GLYR1: variants seen among roughly 807,000 people sequenced by gnomAD.
GLYR1 encodes the protein glyoxylate reductase 1 homolog.
GLYR1 carries 21 observed loss-of-function variants against 72.7 expected under a neutral mutation model. That is an observed-to-expected ratio of 0.29 (90% CI 0.20 to 0.42). The LOEUF (loss-of-function observed/expected upper bound fraction) is 0.42, where lower values mean the gene tolerates loss of function less well. Among genes scored for constraint, GLYR1 ranks in the 10% least tolerant of loss-of-function variants. The probability of loss-of-function intolerance (pLI) is 1.00; values close to 1 mark genes in which losing one functional copy is unlikely to be tolerated. For synonymous variants in GLYR1, 392 were observed against 270.2 expected (o/e 1.45, Z -4.42); for missense variants, 594 against 712.1 (o/e 0.83, Z 1.89).
intron 15 of GLYR1, among the ~76,000 whole-genome samples, chr16:4,806,355 C>A (rs1443701628): frequency 2.0e-5 from 3 of 151,934 alleles, no homozygotes; most frequent in African/African-American, 7.3e-5. Context: ...ACAAGATTAA[C>A]TGTCTTTTTT....
At chr16:4,821,956 G>GACT (rs1160539441) in intron 7 of GLYR1, among the ~76,000 whole-genome samples, 1 of 152,232 alleles carries the variant, frequency 6.6e-6, no homozygotes, top group Non-Finnish European at 1.5e-5. Flanking sequence ...AGGACTTGGA[G>GACT]ACTACCTCTT....
rs1380880036 is a variant in GLYR1, at chr16:4,804,918, T to C, written c.*318A>G. 5.3e-6 allele frequency: 2 copies of C among 377,798 alleles called. No homozygotes were observed. The highest frequency in any genetic ancestry group is 5.3e-5 in the South Asian group (1 of 18,902). 23.4% of individuals were successfully genotyped at this position (377,798 alleles called of 1,614,324 possible). A position where few individuals can be genotyped will look rare whatever the true frequency, so the allele number is the denominator to read the frequency against. The stretch of plus-strand genomic sequence containing the variant: ...GGCAGCAGTTTCTGGGCAGCTTCTA[T>C]CCTGGGGCGAGAGCCTGTGTGTGTG... On this transcript the variant is annotated 3_prime_UTR_variant, in exon 16 of 16. Transcript: ENST00000321919.
At position 4,804,830 on chromosome 16, in the gene GLYR1, C is replaced by T; in HGVS notation, c.*406G>A. 9.3e-6 allele frequency: 2 copies of T among 214,856 alleles called. No individual in the cohort carries two copies. Among genetic ancestry groups the T allele is most frequent in the East Asian group, 1.9e-4 (2 of 10,464 alleles). The allele number at this position is 214,856 out of a possible 1,614,324, so 13.3% of individuals were successfully genotyped here. On this transcript the variant is annotated 3_prime_UTR_variant, in exon 16 of 16. Transcript: ENST00000321919. The stretch of plus-strand genomic sequence containing the variant: ...GTGGGAAGGCTTCCAACTCTCGTTG[C>T]TGATTCTAGTTCCTTGACTGGAAGG...
Position 4,847,244 on chromosome 16 carries a change from G to C in GLYR1, c.22C>G (p.Leu8Val), listed in dbSNP as rs774934820. MAAVSLRLGDLVWGKLGR... is the reference protein window; with the variant it reads MAAVSLRVGDLVWGKLGR... ...CGGACTCACCACACCAAGTCGCCGA[G>C]CCGCAGACTCACAGCCGCCATCTTA... Residue 8 changes from leucine (L) to valine (V), a missense_variant, in exon 1 of 16, where the codon CTC becomes GTC. Leu to Val is a conservative substitution (Grantham distance 32). Around this residue, in one of 5 missense-constraint regions of GLYR1, gnomAD observed 62 missense variants for 82.5 expected, o/e 0.75. Coordinates refer to ENST00000321919, the MANE Select transcript of GLYR1 (RefSeq NM_032569.4). 1 of 1,609,640 alleles carries C rather than the reference G, an allele frequency of 6.2e-7. No homozygotes were observed. The highest frequency in any genetic ancestry group is 8.5e-7 in the Non-Finnish European group (1 of 1,178,874).
chr16:4,811,868 C>A lies in GLYR1; in HGVS notation c.1283-66G>T, dbSNP rs376242476. On this transcript the variant is annotated intron_variant, in intron 13 of 15. Coordinates refer to ENST00000321919, the MANE Select transcript of GLYR1 (RefSeq NM_032569.4). ...CACAGACAGGGCTTCTCTGTCCACCCTCACCTCTGCTCAGACCCACCTCTC... is the reference window on the plus strand; with the variant it reads ...CACAGACAGGGCTTCTCTGTCCACCATCACCTCTGCTCAGACCCACCTCTC... 35 of 1,527,118 alleles carry A rather than the reference C, an allele frequency of 2.3e-5. 1 individual carries two copies. In the South Asian group the frequency reaches 4.2e-4, roughly 18 times the overall value. The allele number at this position is 1,527,118 out of a possible 1,614,324, so 94.6% of individuals were successfully genotyped here.
intron 9 of GLYR1, among the ~76,000 whole-genome samples, chr16:4,818,652 A>G (rs147838943): frequency 6.6e-6 from 1 of 152,160 alleles, no homozygotes; most frequent in African/African-American, 2.4e-5. Flanking sequence ...GAGCCAGGCA[A>G]CTTCCTTGAC....
chr16:4,811,959 T>A, intron 13 of GLYR1, 127 bp downstream of exon 13: 1 of 1,428,864 alleles, frequency 7.0e-7, no homozygotes, highest in Non-Finnish European at 9.5e-7. Flanking sequence ...GCACTGACTA[T>A]GCAGGTGAAA....
intron 14 of GLYR1, 90 bp downstream of exon 14, chr16:4,811,533 G>A: frequency 6.1e-6 from 9 of 1,483,652 alleles, no homozygotes; most frequent in Non-Finnish European, 8.3e-6. Flanking sequence ...TGACTGGGGA[G>A]GGGCATCTTT....
chr16:4,824,831 C>T (rs2084276998), intron 5 of GLYR1, among the ~76,000 whole-genome samples: 1 of 152,178 alleles, frequency 6.6e-6, no homozygotes. Flanking sequence ...TCCCTTTCCC[C>T]AGTCACTCCC....
chr16:4,831,793 C>G (rs986096887), intron 5 of GLYR1, among the ~76,000 whole-genome samples, 186 bp downstream of exon 5: 4 of 152,228 alleles, frequency 2.6e-5, no homozygotes, highest in African/African-American at 9.6e-5. Flanking sequence ...GACTCAGCCT[C>G]CTGAGTTGCT....
chr16:4,831,475 G>T (rs567659132), intron 5 of GLYR1, among the ~76,000 whole-genome samples: 1 of 151,854 alleles, frequency 6.6e-6, no homozygotes, highest in Non-Finnish European at 1.5e-5. Flanking sequence ...CTCCCTGTTC[G>T]AGAGTATCTC....
chr16:4,824,693 AG>A (rs2084267774), intron 5 of GLYR1, among the ~76,000 whole-genome samples: 1 of 152,092 alleles, frequency 6.6e-6, no homozygotes, highest in African/African-American at 2.4e-5. Flanking sequence ...CGGACACAGG[AG>A]GACATGGTGA....
At position 4,847,236 on chromosome 16, in the gene GLYR1, G is replaced by A. The variant is rs773706548; in HGVS notation, c.30C>T (p.Asp10=). The A allele has an allele frequency of 6.2e-6, 10 of 1,607,734 alleles. No individual in the cohort carries two copies. Among genetic ancestry groups the A allele is most frequent in the African/African-American group, 1.3e-5 (1 of 74,590 alleles). ...CGGCCGCTCGGACTCACCACACCAA[G>A]TCGCCGAGCCGCAGACTCACAGCCG... MAAVSLRLG[D]LVWGKLGRYP... is the part of the protein sequence containing the mutation. The change falls in exon 1 of 16, where the codon GAC becomes GAT. Residue 10 remains aspartate, a synonymous_variant. Transcript: ENST00000321919.
chr16:4,815,855 C>G (rs1210335722), intron 10 of GLYR1, among the ~76,000 whole-genome samples: 1 of 152,050 alleles, frequency 6.6e-6, no homozygotes, highest in Non-Finnish European at 1.5e-5. Context: ...GATCTCAGCT[C>G]ACTGCAAGCT....
chr16:4,813,576 T>G (rs1443828101), intron 12 of GLYR1, among the ~76,000 whole-genome samples, 161 bp downstream of exon 12: 1 of 152,214 alleles, frequency 6.6e-6, no homozygotes, highest in African/African-American at 2.4e-5. Context: ...AGCTGCGGTT[T>G]GAAGGTGGAG....
chr16:4,824,178 A>C (rs147243667), intron 5 of GLYR1, among the ~76,000 whole-genome samples: 1 of 152,220 alleles, frequency 6.6e-6, no homozygotes, highest in African/African-American at 2.4e-5. Context: ...CTGTCTGCAA[A>C]GTTTCAGAGT....
intron 15 of GLYR1, among the ~76,000 whole-genome samples, chr16:4,805,539 A>G (rs899880463): frequency 6.6e-6 from 1 of 152,248 alleles, no homozygotes; most frequent in African/African-American, 2.4e-5. Flanking sequence ...TCTTGTGAGA[A>G]TGAAATACAC....
chr16:4,816,560 T>C (rs2083654302), intron 10 of GLYR1, among the ~76,000 whole-genome samples: 1 of 152,226 alleles, frequency 6.6e-6, no homozygotes, highest in African/African-American at 2.4e-5. Context: ...TTGGTATTCC[T>C]TTGAATTTTA....
At chr16:4,844,113 C>CAAA (rs1190119741) in intron 3 of GLYR1, among the ~76,000 whole-genome samples, 3 of 69,208 alleles carry the variant, frequency 4.3e-5, no homozygotes, top group Non-Finnish European at 8.9e-5. Context: ...AACTCCATCT[C>CAAA]AAAAAAAAAA....
Sources: gnomAD v4.1 joint callset for allele counts (sites outside exome capture counted in the v4.1 genomes callset) on GRCh38, gnomAD v4.1.1 for gene constraint, gnomAD v4.1.1 regional missense constraint, MANE v1.5 for transcripts, NCBI Gene and HGNC (gene_info 2026-07-23, HGNC 2026-07-21) for gene names.